PDE7B: variants seen among roughly 807,000 people sequenced by gnomAD.
The protein encoded by PDE7B is 3',5'-cyclic-AMP phosphodiesterase 7B.
PDE7B carries 29 observed loss-of-function variants against 56.2 expected under a neutral mutation model. The observed-to-expected ratio is 0.52, with a 90% CI of 0.38 to 0.70. The LOEUF is 0.70. Ranked by LOEUF, PDE7B falls within the 30% of genes least tolerant of loss-of-function variation. PDE7B has a pLI of 0.00. For synonymous variants in PDE7B, 197 were observed against 196.9 expected (o/e 1.00, Z 0.00); for missense variants, 490 against 565.0 (o/e 0.87, Z 1.35).
chr6:136,191,481 A>G, intron 12 of PDE7B, 133 bp from the exon 13 acceptor site: 1 of 748,470 alleles, frequency 1.3e-6, no homozygotes, highest in South Asian at 1.7e-5. Context: ...AACCTGGCCA[A>G]CATGGGGAAA....
At chr6:136,085,644 G>A (rs1218155633) in intron 2 of PDE7B, among the ~76,000 whole-genome samples, 1 of 152,148 alleles carries the variant, frequency 6.6e-6, no homozygotes, top group Non-Finnish European at 1.5e-5. Flanking sequence ...CTGGCTATCT[G>A]GGGATGCAGC....
At chr6:136,026,174 G>T (rs539653466) in intron 2 of PDE7B, among the ~76,000 whole-genome samples, 19 of 152,272 alleles carry the variant, frequency 1.2e-4, no homozygotes, top group African/African-American at 4.3e-4. Flanking sequence ...AAGAAATAAA[G>T]TTACCTTAGT....
At chr6:135,910,184 G>T (rs1219077795) in intron 1 of PDE7B, among the ~76,000 whole-genome samples, 1 of 152,158 alleles carries the variant, frequency 6.6e-6, no homozygotes, top group Non-Finnish European at 1.5e-5. Flanking sequence ...ACCAGGGAGG[G>T]TGTGAAACTC....
chr6:135,967,673 CCTT>C (rs1227855583), intron 2 of PDE7B, among the ~76,000 whole-genome samples: 1 of 152,152 alleles, frequency 6.6e-6, no homozygotes, highest in Non-Finnish European at 1.5e-5. Flanking sequence ...CCATAACTGT[CCTT>C]CATAAGAATG....
At chr6:136,007,864 G>C (rs1397063843) in intron 2 of PDE7B, among the ~76,000 whole-genome samples, 1 of 151,768 alleles carries the variant, frequency 6.6e-6, no homozygotes, top group Non-Finnish European at 1.5e-5. Context: ...TTAAGTTGTA[G>C]GGTACATGTG....
intron 2 of PDE7B, among the ~76,000 whole-genome samples, chr6:136,039,434 T>C (rs1463399991): frequency 6.6e-6 from 1 of 152,202 alleles, no homozygotes; most frequent in Non-Finnish European, 1.5e-5. Flanking sequence ...AATCCTGGCG[T>C]GCCATTGGCG....
intron 11 of PDE7B, among the ~76,000 whole-genome samples, chr6:136,183,452 C>T (rs1461755593): frequency 1.3e-5 from 2 of 151,608 alleles, no homozygotes; most frequent in African/African-American, 2.4e-5. Context: ...AAAAATTAGC[C>T]GGGCATGGTG....
At position 136,069,835 on chromosome 6, in the gene PDE7B, G is replaced by T. The variant is rs75482244; in HGVS notation, c.83-38896G>T. Among the ~76,000 whole-genome samples, 1,188 of 152,190 alleles carry T rather than the reference G, an allele frequency of 7.8e-3. 26 individuals are homozygous for T. Among genetic ancestry groups the T allele is most frequent in the Non-Finnish European group, 5.5e-3 (376 of 67,984 alleles). ...TGTTAAAAAATTCAGAATGGTAAATGAAGTGCTTAAAGAATCAGTTTAAAA... is the reference window on the plus strand; with the variant it reads ...TGTTAAAAAATTCAGAATGGTAAATTAAGTGCTTAAAGAATCAGTTTAAAA... On this transcript the variant is annotated intron_variant, in intron 2 of 12. Transcript: ENST00000308191.
intron 2 of PDE7B, among the ~76,000 whole-genome samples, chr6:135,952,305 C>T (rs370927804): frequency 8.8e-4 from 134 of 152,114 alleles, no homozygotes; most frequent in South Asian, 8.3e-3. Flanking sequence ...GAAAAGCAAT[C>T]GAAAAGCTAA....
chr6:136,156,506 G>A (rs568637808), intron 8 of PDE7B, among the ~76,000 whole-genome samples: 11 of 152,100 alleles, frequency 7.2e-5, no homozygotes, highest in South Asian at 2.1e-4. Flanking sequence ...TACCATGCCC[G>A]ACCGAGAAGG....
At position 135,957,215 on chromosome 6, in the gene PDE7B, A is replaced by C. The variant is rs538572517; in HGVS notation, c.82+9691A>C. ...TTGCTTCCCTTCTTTTTAAGAAGGAAATATGGTGTTCTGATGAGCTTAAGG... is the reference window on the plus strand; with the variant it reads ...TTGCTTCCCTTCTTTTTAAGAAGGACATATGGTGTTCTGATGAGCTTAAGG... On this transcript the variant is annotated intron_variant, in intron 2 of 12. Transcript: ENST00000308191. 1.6e-4 allele frequency among the ~76,000 whole-genome samples: 25 copies of C among 152,228 alleles called. No individual in the cohort carries two copies. In the East Asian group the frequency reaches 4.8e-3, roughly 29 times the overall value.
chr6:135,990,190 G>A (rs1160814349), intron 2 of PDE7B, among the ~76,000 whole-genome samples: 1 of 151,678 alleles, frequency 6.6e-6, no homozygotes, highest in East Asian at 1.9e-4. Context: ...CCACCTCCTG[G>A]GCTCAAGCAA....
At chr6:135,966,032 A>G (rs375080003) in intron 2 of PDE7B, among the ~76,000 whole-genome samples, 8 of 152,200 alleles carry the variant, frequency 5.3e-5, no homozygotes, top group East Asian at 3.8e-4. Context: ...CACTGAAAGG[A>G]TATGTTTAGG....
chr6:136,183,380 T>C (rs1779097633), intron 11 of PDE7B, among the ~76,000 whole-genome samples: 1 of 151,634 alleles, frequency 6.6e-6, no homozygotes, highest in African/African-American at 2.4e-5. Flanking sequence ...GATCATGAGG[T>C]CAGGAGATAG....
intron 2 of PDE7B, among the ~76,000 whole-genome samples, chr6:136,025,116 G>A (rs1776129954): frequency 6.6e-6 from 1 of 152,078 alleles, no homozygotes; most frequent in Admixed American, 6.5e-5. Context: ...TCCCTTCTGA[G>A]GTTTCCCAAA....
chr6:136,154,927 C>T (rs1005257832), intron 7 of PDE7B, among the ~76,000 whole-genome samples: 6 of 152,204 alleles, frequency 3.9e-5, no homozygotes, highest in Non-Finnish European at 8.8e-5. Flanking sequence ...CAAACAGGCA[C>T]TCTCAGGGCA....
chr6:136,048,605 C>T (rs1055628754), intron 2 of PDE7B, among the ~76,000 whole-genome samples: 1 of 152,024 alleles, frequency 6.6e-6, no homozygotes, highest in Admixed American at 6.6e-5. Flanking sequence ...TTGCCATTGG[C>T]CTCATCTGTC....
In PDE7B at chr6:136,148,470, A is replaced by AGGC. The variant is rs374978896; in HGVS notation, c.319-617_319-616insGGC. Among the ~76,000 whole-genome samples the AGGC allele has an allele frequency of 2.0e-3, 258 of 130,240 alleles. 6 individuals carry two copies. In the East Asian group the frequency reaches 0.024, roughly 12 times the overall value. The allele number at this position is 130,240 out of a possible 152,430, so 85.4% of individuals were successfully genotyped here. ...GTGGGAGGGAGGGAGGGAAGGAAGG[A>AGGC]AGGCAGGCAGGCAGGCAGGCAGGCA... On this transcript the variant is annotated intron_variant, in intron 4 of 12. Coordinates refer to ENST00000308191, the MANE Select transcript of PDE7B (RefSeq NM_018945.4).
intron 7 of PDE7B, 147 bp from the exon 8 acceptor site, chr6:136,155,480 A>G: frequency 3.0e-6 from 2 of 658,216 alleles, no homozygotes; most frequent in Non-Finnish European, 5.2e-6. Flanking sequence ...TGTGACTATC[A>G]CCTCATTTAA....
Sources: allele counts gnomAD v4.1 joint callset (sites outside exome capture counted in the v4.1 genomes callset), GRCh38; gene constraint gnomAD v4.1.1; transcripts MANE v1.5; gene names NCBI Gene and HGNC (gene_info 2026-07-23, HGNC 2026-07-21).